The following SAMD12 variants were observed in gnomAD, a reference collection of about 807,000 sequenced individuals.
The protein encoded by SAMD12 is sterile alpha motif domain-containing protein 12.
In SAMD12, 9 loss-of-function variants were observed where a neutral mutation model predicts 15.0. The observed-to-expected ratio is 0.60, with a 90% CI of 0.36 to 1.05. The LOEUF (loss-of-function observed/expected upper bound fraction) is 1.05, where lower values mean the gene tolerates loss of function less well. Among genes scored for constraint, SAMD12 ranks in the 50% least tolerant of loss-of-function variants. The pLI is 0.01. For synonymous variants in SAMD12, 86 were observed against 90.1 expected (o/e 0.96, Z 0.25); for missense variants, 230 against 234.2 (o/e 0.98, Z 0.12).
intron 4 of SAMD12, among the ~76,000 whole-genome samples, chr8:118,277,363 A>G (rs955268142): frequency 6.6e-6 from 1 of 152,148 alleles, no homozygotes; most frequent in African/African-American, 2.4e-5. Context: ...TCTATCTATC[A>G]TCTATCTTTT....
At chr8:118,282,965 C>T (rs1440056458) in intron 4 of SAMD12, among the ~76,000 whole-genome samples, 1 of 151,910 alleles carries the variant, frequency 6.6e-6, no homozygotes, top group African/African-American at 2.4e-5. Flanking sequence ...TTTACAATTG[C>T]TTTCATGGAT....
At chr8:118,542,182 G>C (rs879531946) in intron 2 of SAMD12, among the ~76,000 whole-genome samples, 1 of 152,164 alleles carries the variant, frequency 6.6e-6, no homozygotes, top group Non-Finnish European at 1.5e-5. Context: ...CAATAAGTAA[G>C]TGTCAGGGAC....
chr8:118,522,199 T>TACACACAC (rs1554679226), intron 2 of SAMD12, among the ~76,000 whole-genome samples: 4 of 15,800 alleles, frequency 2.5e-4, no homozygotes, highest in Admixed American at 2.5e-3. Context: ...CACACACACA[T>TACACACAC]ACACACACAC....
chr8:118,549,675 G>C (rs1355708986), intron 2 of SAMD12, among the ~76,000 whole-genome samples: 1 of 152,226 alleles, frequency 6.6e-6, no homozygotes, highest in Non-Finnish European at 1.5e-5. Flanking sequence ...AACAAAGCTG[G>C]ACGGAGAATG....
intron 2 of SAMD12, among the ~76,000 whole-genome samples, chr8:118,471,326 C>T (rs1027691204): frequency 6.6e-6 from 1 of 152,134 alleles, no homozygotes; most frequent in Admixed American, 6.5e-5. Context: ...ACCTAGTCTG[C>T]AGTTGTAAGG....
At chr8:118,312,261 C>A (rs1490570276) in intron 4 of SAMD12, among the ~76,000 whole-genome samples, 1 of 152,132 alleles carries the variant, frequency 6.6e-6, no homozygotes, top group Admixed American at 6.6e-5. Context: ...GGCTGTTTAT[C>A]TGTTCTTGCA....
At chr8:118,424,380 ATAATT>A (rs1822151973) in intron 3 of SAMD12, among the ~76,000 whole-genome samples, 1 of 152,184 alleles carries the variant, frequency 6.6e-6, no homozygotes, top group Non-Finnish European at 1.5e-5. Context: ...ACGTATTATC[ATAATT>A]TAATTTTAGG....
chr8:118,548,841 G>C (rs137910783), intron 2 of SAMD12, among the ~76,000 whole-genome samples: 1 of 152,144 alleles, frequency 6.6e-6, no homozygotes, highest in Non-Finnish European at 1.5e-5. Context: ...GTGCTTTTCC[G>C]ACAGACTTAA....
intron 4 of SAMD12, among the ~76,000 whole-genome samples, chr8:118,207,581 G>A (rs141496176): frequency 1.5e-4 from 23 of 152,238 alleles, no homozygotes; most frequent in Admixed American, 1.4e-3. Flanking sequence ...ATTATACTCC[G>A]AGGGACTGTT....
intron 4 of SAMD12, among the ~76,000 whole-genome samples, chr8:118,303,947 T>A (rs952164174): frequency 6.6e-6 from 1 of 152,186 alleles, no homozygotes; most frequent in Middle Eastern, 3.2e-3. Context: ...TTCGAGTGCT[T>A]ATCCTCGATG....
rs543200394 is a variant in SAMD12 at position 118,543,052 on chromosome 8, A to G, written c.192+37663T>C. The stretch of plus-strand genomic sequence containing the variant: ...ATGAAAAAAAGGAAAAAGATGAGAA[A>G]AAATAAGAATTAAAAACACTAAAAA... On this transcript the variant is annotated intron_variant, in intron 2 of 3. Transcript: ENST00000314727. 3.2e-4 allele frequency among the ~76,000 whole-genome samples: 49 copies of G among 152,350 alleles called. No individual in the cohort carries two copies. The South Asian group carries it at 8.9e-3, about 28-fold the overall frequency.
intron 2 of SAMD12, among the ~76,000 whole-genome samples, chr8:118,545,297 T>A (rs1826092780): frequency 6.6e-6 from 1 of 151,968 alleles, no homozygotes; most frequent in South Asian, 2.1e-4. Context: ...TGAAATCTCA[T>A]CTCCACTAAA....
At position 118,337,043 on chromosome 8, in the gene SAMD12, G is replaced by A. The variant is rs1411350245; in HGVS notation, c.433+42517C>T. ...GGAGAAGGGGGGAGGGATAGCATTA[G>A]GAAATATACCTAATGTAAATGATGA... On this transcript the variant is annotated intron_variant, in intron 4 of 4. Transcript: ENST00000409003. Among the ~76,000 whole-genome samples the A allele has an allele frequency of 3.3e-5, 5 of 152,042 alleles. No individual in the cohort carries two copies. The East Asian group carries it at 9.6e-4, about 29-fold the overall frequency.
chr8:118,389,899 C>T (rs1252942349), intron 3 of SAMD12, among the ~76,000 whole-genome samples: 3 of 152,104 alleles, frequency 2.0e-5, no homozygotes, highest in Non-Finnish European at 2.9e-5. Context: ...TTAAAATTGG[C>T]TAATTTTTTC....
chr8:118,283,196 T>C (rs1813742640), intron 4 of SAMD12, among the ~76,000 whole-genome samples: 1 of 152,202 alleles, frequency 6.6e-6, no homozygotes, highest in African/African-American at 2.4e-5. Context: ...TTGTTACATA[T>C]GTATACAAGG....
At chr8:118,282,341 G>C (rs1216452700) in intron 4 of SAMD12, 2 of 456,102 alleles carry the variant, frequency 4.4e-6, no homozygotes, top group Non-Finnish European at 8.8e-6. Flanking sequence ...GTAGGTAAAG[G>C]CTTTCTCCTT....
At chr8:118,172,110 TA>T in the SAMD12 span, among the ~76,000 whole-genome samples, 1 of 151,316 alleles carries the variant, frequency 6.6e-6, no homozygotes, top group Non-Finnish European at 1.5e-5. Flanking sequence ...TGTCGTGGGG[TA>T]GGGGGAGTGG....
intron 4 of SAMD12, among the ~76,000 whole-genome samples, chr8:118,325,526 C>A (rs1816525203): frequency 6.6e-6 from 1 of 152,172 alleles, no homozygotes; most frequent in African/African-American, 2.4e-5. Flanking sequence ...ATGCTTGCCA[C>A]AATCAAATTA....
At chr8:118,394,365 A>T (rs1344438633) in intron 3 of SAMD12, among the ~76,000 whole-genome samples, 2 of 152,294 alleles carry the variant, frequency 1.3e-5, no homozygotes, top group East Asian at 3.9e-4. Flanking sequence ...CTCACCTTGG[A>T]ACCTACAGGC....
Sources: allele counts gnomAD v4.1 joint callset (sites outside exome capture counted in the v4.1 genomes callset), GRCh38; gene constraint gnomAD v4.1.1; transcripts MANE v1.5; gene names NCBI Gene and HGNC (gene_info 2026-07-23, HGNC 2026-07-21).